XKR4: variants seen among roughly 807,000 people sequenced by gnomAD.
XKR4 encodes XK-related protein 4.
A neutral mutation model predicts 53.9 loss-of-function variants in XKR4; 12 were observed. The observed-to-expected ratio is 0.22, with a 90% CI of 0.14 to 0.36. The LOEUF (loss-of-function observed/expected upper bound fraction) is 0.36. Ranked by LOEUF, XKR4 falls within the 10% of genes least tolerant of loss-of-function variation. XKR4 has a pLI of 1.00. For synonymous variants in XKR4, 354 were observed against 362.4 expected, an observed-to-expected ratio of 0.98 and a Z score of 0.26; for missense variants, 799 against 859.5, an observed-to-expected ratio of 0.93 and a Z score of 0.88.
intron 2 of XKR4, among the ~76,000 whole-genome samples, chr8:55,467,477 G>A (rs572902688): frequency 6.6e-6 from 1 of 152,254 alleles, no homozygotes; most frequent in South Asian, 2.1e-4. Context: ...TTGCACATGT[G>A]TGTTTACTGA....
chr8:55,541,232 G>A lies in XKR4; in HGVS notation c.*17005G>A, dbSNP rs1406053125. ...AAGCAATTTTCAAAAATTTGTACAT[G>A]ATATACACCACCCAACCTCAGGAGG... On this transcript the variant is annotated 3_prime_UTR_variant, in exon 3 of 3. Coordinates refer to ENST00000327381, the MANE Select transcript of XKR4 (RefSeq NM_052898.2). 6.6e-6 allele frequency: 1 copy of A among 152,152 alleles called. No individual in the cohort carries two copies. The highest frequency in any genetic ancestry group is 6.5e-5 in the Admixed American group (1 of 15,272). The allele number at this position is 152,152 out of a possible 1,614,324, so 9.4% of individuals were successfully genotyped here.
chr8:55,401,016 C>T (rs1804593218), intron 2 of XKR4, among the ~76,000 whole-genome samples: 1 of 152,236 alleles, frequency 6.6e-6, no homozygotes, highest in Admixed American at 6.5e-5. Flanking sequence ...TAGGTACATG[C>T]TGCTCATGCT....
intron 1 of XKR4, among the ~76,000 whole-genome samples, chr8:55,128,995 C>A (rs959033043): frequency 3.6e-4 from 55 of 152,198 alleles, no homozygotes; most frequent in African/African-American, 1.3e-3. Flanking sequence ...CAATCTTCAT[C>A]AGCACAACCA....
intron 2 of XKR4, among the ~76,000 whole-genome samples, chr8:55,372,021 T>C (rs1041344201): frequency 2.6e-5 from 4 of 152,168 alleles, no homozygotes; most frequent in Non-Finnish European, 4.4e-5. Context: ...CCCTCTGAGG[T>C]GTGGTGAGCA....
At chr8:55,388,532 A>C (rs188649909) in intron 2 of XKR4, among the ~76,000 whole-genome samples, 1 of 152,218 alleles carries the variant, frequency 6.6e-6, no homozygotes, top group Non-Finnish European at 1.5e-5. Flanking sequence ...TTCCTCATTC[A>C]TAAGTGGTGC....
At chr8:55,148,356 G>T (rs1816797266) in intron 1 of XKR4, among the ~76,000 whole-genome samples, 2 of 151,974 alleles carry the variant, frequency 1.3e-5, no homozygotes, top group African/African-American at 4.8e-5. Flanking sequence ...AGTGATCCTA[G>T]ATCACACCAC....
intron 1 of XKR4, among the ~76,000 whole-genome samples, chr8:55,334,842 C>T (rs1428261850): frequency 2.6e-5 from 4 of 152,056 alleles, no homozygotes; most frequent in Admixed American, 2.6e-4. Flanking sequence ...GTTATGTGAC[C>T]TCTAGTCCTG....
At position 55,134,503 on chromosome 8, in the gene XKR4, C is replaced by T. The variant is rs7841209; in HGVS notation, c.806+31209C>T. ...AAGTCAAAATAATGTTAACTACGTTCATTCATGCATTCACTCTCTCTCTGT... is the reference window on the plus strand; with the variant it reads ...AAGTCAAAATAATGTTAACTACGTTTATTCATGCATTCACTCTCTCTCTGT... On this transcript the variant is annotated intron_variant, in intron 1 of 2. Transcript: ENST00000327381. 7.3e-3 allele frequency among the ~76,000 whole-genome samples: 1,110 copies of T among 152,320 alleles called. 14 individuals carry two copies. Among genetic ancestry groups the T allele is most frequent in the African/African-American group, 0.025 (1,052 of 41,572 alleles).
chr8:55,216,236 A>G (rs892758845), intron 1 of XKR4, among the ~76,000 whole-genome samples: 4 of 152,238 alleles, frequency 2.6e-5, no homozygotes, highest in African/African-American at 9.6e-5. Context: ...AATGTGACAA[A>G]TTGATTCTAA....
chr8:55,359,195 A>G (rs1803863831), intron 2 of XKR4, among the ~76,000 whole-genome samples: 1 of 152,240 alleles, frequency 6.6e-6, no homozygotes, highest in African/African-American at 2.4e-5. Flanking sequence ...GGCCGTGTGA[A>G]TTAGTTGTGG....
chr8:55,207,102 G>C (rs1455402732), intron 1 of XKR4, among the ~76,000 whole-genome samples: 1 of 152,384 alleles, frequency 6.6e-6, no homozygotes, highest in East Asian at 1.9e-4. Flanking sequence ...GAGCAGGGAA[G>C]GAGAGGTCCT....
chr8:55,514,410 T>C (rs749796788), intron 2 of XKR4, among the ~76,000 whole-genome samples: 11 of 151,998 alleles, frequency 7.2e-5, no homozygotes, highest in Non-Finnish European at 1.6e-4. Flanking sequence ...GCATGTGCCA[T>C]CATGCCAGGC....
chr8:55,527,321 G>A lies in XKR4; in HGVS notation c.*3094G>A, dbSNP rs1343248615. 1 of 152,280 alleles carries A rather than the reference G, an allele frequency of 6.6e-6. No individual in the cohort carries two copies. Among genetic ancestry groups the A allele is most frequent in the Non-Finnish European group, 1.5e-5 (1 of 68,012 alleles). The allele number at this position is 152,280 out of a possible 1,614,324, so 9.4% of individuals were successfully genotyped here. ...CCAAAGGAAAAAATTGGAAATGCTG[G>A]GTTCCTTATCTGCAGGCTCCTTTCT... On this transcript the variant is annotated 3_prime_UTR_variant, in exon 3 of 3. Transcript: ENST00000327381.
chr8:55,305,033 A>G (rs1333953084), intron 1 of XKR4, among the ~76,000 whole-genome samples: 1 of 152,178 alleles, frequency 6.6e-6, no homozygotes, highest in Non-Finnish European at 1.5e-5. Context: ...AACAGATTAC[A>G]ATCAGAAATG....
At chr8:55,289,591 G>GAGAAAGAGAA (rs1554516108) in intron 1 of XKR4, among the ~76,000 whole-genome samples, 1 of 67,380 alleles carries the variant, frequency 1.5e-5, no homozygotes, top group Non-Finnish European at 2.7e-5. Context: ...AAGAAAGAAA[G>GAGAAAGAGAA]AGAAAGAAAG....
intron 2 of XKR4, among the ~76,000 whole-genome samples, chr8:55,461,782 A>G (rs1254350810): frequency 2.6e-5 from 4 of 152,252 alleles, no homozygotes; most frequent in African/African-American, 9.6e-5. Context: ...TCCTTCAAGG[A>G]CCTGATGGAG....
At chr8:55,321,971 G>A (rs1396889847) in intron 1 of XKR4, among the ~76,000 whole-genome samples, 1 of 148,164 alleles carries the variant, frequency 6.7e-6, no homozygotes, top group Admixed American at 6.8e-5. Context: ...CCTGGTGACA[G>A]AGCGAGACTC....
At chr8:55,150,070 T>C (rs1242612201) in intron 1 of XKR4, among the ~76,000 whole-genome samples, 1 of 152,200 alleles carries the variant, frequency 6.6e-6, no homozygotes, top group African/African-American at 2.4e-5. Context: ...AAGCTTCTAT[T>C]TTTCATCTGT....
chr8:55,164,568 A>G, intron 1 of XKR4: 1 of 397,018 alleles, frequency 2.5e-6, no homozygotes, highest in Non-Finnish European at 5.1e-6. Flanking sequence ...GCTTATGGGC[A>G]AAATGAATGC....
Sources: allele counts gnomAD v4.1 joint callset (sites outside exome capture counted in the v4.1 genomes callset), GRCh38; gene constraint gnomAD v4.1.1; transcripts MANE v1.5; gene names NCBI Gene and HGNC (gene_info 2026-07-23, HGNC 2026-07-21).